Variants in PCDH11X observed in about 807,000 individuals in gnomAD.
PCDH11X encodes the protein protocadherin 11 X-linked, also known as protocadherin-11 X-linked.
PCDH11X carries 18 observed loss-of-function variants against 53.3 expected under a neutral mutation model. The ratio of observed to expected loss-of-function variants is 0.34; its 90% confidence interval spans 0.23 to 0.50. The LOEUF (loss-of-function observed/expected upper bound fraction) is 0.50. PCDH11X is among the 20% of genes least tolerant of loss of function. The pLI is 0.98. For synonymous variants in PCDH11X, 279 were observed against 393.3 expected, an observed-to-expected ratio of 0.71 and a Z score of 3.44; for missense variants, 570 against 1,032.4, an observed-to-expected ratio of 0.55 and a Z score of 6.14.
intron 6 of PCDH11X, among the ~76,000 whole-genome samples, chrX:91,941,365 TTAAA>T (rs1320200968): frequency 9.0e-6 from 1 of 111,390 alleles, no homozygotes; most frequent in Non-Finnish European, 1.9e-5. Context: ...AAAACACATC[TTAAA>T]TTATACATTA....
chrX:92,375,851 T>A (rs2070741917), intron 8 of PCDH11X, among the ~76,000 whole-genome samples: 1 of 111,716 alleles, frequency 9.0e-6, no homozygotes, highest in African/African-American at 3.3e-5. Context: ...CTTGAACTCC[T>A]GACCTTGTGA....
intron 8 of PCDH11X, among the ~76,000 whole-genome samples, chrX:92,340,221 G>T (rs1256241088): frequency 9.0e-6 from 1 of 111,165 alleles, no homozygotes; most frequent in Non-Finnish European, 1.9e-5. Context: ...GTGGCTTTCT[G>T]GTTTTTGGCC....
chrX:92,146,921 C>T (rs2065276527), intron 6 of PCDH11X, among the ~76,000 whole-genome samples: 1 of 110,470 alleles, frequency 9.1e-6, no homozygotes, highest in African/African-American at 3.3e-5. Context: ...ATGGCTTGAA[C>T]CCAGGAGGTG....
At chrX:91,890,596 A>G (rs145596106) in intron 6 of PCDH11X, among the ~76,000 whole-genome samples, 1,223 of 111,086 alleles carry the variant, frequency 0.011, 12 homozygotes, top group Middle Eastern at 0.037. Context: ...TGTTTTCCAT[A>G]ATAGCCAACT....
chrX:92,089,626 G>T (rs1397323558), intron 6 of PCDH11X, among the ~76,000 whole-genome samples: 1 of 106,881 alleles, frequency 9.4e-6, no homozygotes, highest in Non-Finnish European at 1.9e-5. Context: ...GGGTTCAAAC[G>T]ATTCTCCTGT....
chrX:92,545,511 C>T lies in PCDH11X; in HGVS notation c.3368-72753C>T, dbSNP rs751624074. Among the ~76,000 whole-genome samples the T allele has an allele frequency of 2.9e-3, 306 of 104,574 alleles. 1 individual carries two copies. Among genetic ancestry groups the T allele is most frequent in the Middle Eastern group, 0.01 (2 of 194 alleles). The allele number at this position is 104,574 out of a possible 115,157, so 90.8% of individuals were successfully genotyped here. ...CCGCTTCCCGGGTTCATGTGATTCT[C>T]GTGCCTCAGGCTCCTGAGCAGCTGG... On this transcript the variant is annotated intron_variant, in intron 10 of 10. Transcript: ENST00000682573.
At chrX:92,506,143 A>G in intron 10 of PCDH11X, among the ~76,000 whole-genome samples, 1 of 109,248 alleles carries the variant, frequency 9.2e-6, no homozygotes, top group East Asian at 2.9e-4. Flanking sequence ...GGATAAACAT[A>G]CATTCTTTTT....
chrX:92,531,770 A>G (rs2074559695), intron 10 of PCDH11X, among the ~76,000 whole-genome samples: 1 of 110,484 alleles, frequency 9.1e-6, no homozygotes, highest in Admixed American at 9.7e-5. Flanking sequence ...ATTATATTTC[A>G]GAGAAAAAAT....
At chrX:91,943,687 A>AT (rs1363933015) in intron 6 of PCDH11X, among the ~76,000 whole-genome samples, 10 of 99,590 alleles carry the variant, frequency 1.0e-4, no homozygotes, top group African/African-American at 2.9e-4. Flanking sequence ...CAAAAGCAAG[A>AT]TATGCAATTA....
chrX:92,472,685 A>C (rs6615395), intron 10 of PCDH11X, among the ~76,000 whole-genome samples: 26,010 of 109,768 alleles, frequency 0.24, 2,463 homozygotes, highest in East Asian at 0.53. Context: ...TAATAGGAAT[A>C]GCATTGAATG....
intron 7 of PCDH11X, among the ~76,000 whole-genome samples, chrX:92,210,692 A>C (rs773825141): frequency 8.9e-6 from 1 of 111,982 alleles, no homozygotes; most frequent in Non-Finnish European, 1.9e-5. Context: ...GCCTGGTCAC[A>C]CCTTGAACAC....
At chrX:92,451,907 A>G (rs1252008379) in intron 9 of PCDH11X, among the ~76,000 whole-genome samples, 1 of 109,627 alleles carries the variant, frequency 9.1e-6, no homozygotes, top group African/African-American at 3.3e-5. Flanking sequence ...ACTGGTAATG[A>G]TTCAAATGGG....
chrX:92,598,147 C>T (rs1490484106), intron 10 of PCDH11X, among the ~76,000 whole-genome samples: 3 of 110,476 alleles, frequency 2.7e-5, no homozygotes, highest in African/African-American at 9.9e-5. Flanking sequence ...TCTGTAATAC[C>T]CCACAAGAAC....
chrX:92,260,120 C>T (rs2067682894), intron 7 of PCDH11X, among the ~76,000 whole-genome samples: 1 of 110,593 alleles, frequency 9.0e-6, no homozygotes, highest in Admixed American at 9.6e-5. Flanking sequence ...AGGTTGTGTG[C>T]CCCTCAGCCC....
chrX:92,210,134 G>A (rs999216620), intron 7 of PCDH11X, among the ~76,000 whole-genome samples: 4 of 110,110 alleles, frequency 3.6e-5, no homozygotes, highest in African/African-American at 1.3e-4. Context: ...AAATGCCTTC[G>A]AGGCATTTTC....
chrX:92,325,458 A>G (rs1194274894), intron 8 of PCDH11X, among the ~76,000 whole-genome samples: 1 of 111,750 alleles, frequency 8.9e-6, no homozygotes, highest in East Asian at 2.8e-4. Flanking sequence ...TTCTAATATC[A>G]AGGGAAACAG....
intron 6 of PCDH11X, among the ~76,000 whole-genome samples, chrX:92,061,353 AC>A (rs1330048103): frequency 8.9e-6 from 1 of 111,779 alleles, no homozygotes; most frequent in Non-Finnish European, 1.9e-5. Flanking sequence ...TCATGTGTCA[AC>A]TTTTGATTTA....
chrX:92,214,371 G>A (rs1305488692), intron 7 of PCDH11X, among the ~76,000 whole-genome samples: 1 of 111,954 alleles, frequency 8.9e-6, no homozygotes, highest in Non-Finnish European at 1.9e-5. Context: ...CTCATGGTTA[G>A]GCAACCTCAT....
intron 9 of PCDH11X, chrX:92,460,873 T>A: frequency 3.0e-6 from 3 of 1,013,623 alleles, no homozygotes; most frequent in Non-Finnish European, 4.1e-6. Context: ...ATGCAAACCA[T>A]CCAAAAGACC....
Sources: allele counts gnomAD v4.1 joint callset (sites outside exome capture counted in the v4.1 genomes callset), GRCh38; gene constraint gnomAD v4.1.1; transcripts MANE v1.5; gene names NCBI Gene and HGNC (gene_info 2026-07-23, HGNC 2026-07-21).